Variants in PCDHA12 observed in about 807,000 individuals in gnomAD.
PCDHA12 encodes the protein protocadherin alpha 12, also known as protocadherin alpha-12.
Under a neutral mutation model 60.0 loss-of-function variants are expected in PCDHA12, and 44 were observed. The observed-to-expected ratio is 0.73, with a 90% confidence interval of 0.58 to 0.94. The LOEUF (loss-of-function observed/expected upper bound fraction) is 0.94, where lower values mean the gene tolerates loss of function less well. Among genes scored for constraint, PCDHA12 ranks in the 40% least tolerant of loss-of-function variants. The pLI is 0.00. For missense variants in PCDHA12, 1,276 were observed against 1,239.7 expected (o/e 1.03, Z -0.44); for synonymous variants, 569 against 553.0 (o/e 1.03, Z -0.40).
intron 1 of PCDHA12, among the ~76,000 whole-genome samples, chr5:140,973,346 T>C (rs1554235179): frequency 1.3e-5 from 2 of 152,198 alleles, no homozygotes; most frequent in Non-Finnish European, 2.9e-5. Flanking sequence ...AGTGACATAG[T>C]AGTGAATTTA....
chr5:140,940,635 TC>T (rs2092658903), intron 1 of PCDHA12, among the ~76,000 whole-genome samples: 1 of 152,214 alleles, frequency 6.6e-6, no homozygotes, highest in African/African-American at 2.4e-5. Context: ...CTTAAGCTTG[TC>T]ATTTATTTAT....
At chr5:140,966,798 C>T in intron 1 of PCDHA12, 1 of 1,537,636 alleles carries the variant, frequency 6.5e-7, no homozygotes, top group Non-Finnish European at 8.7e-7. Context: ...CCTGCGGCGA[C>T]AGAGCATCCA....
intron 1 of PCDHA12, chr5:140,929,152 T>TA (rs1322546333): frequency 2.5e-6 from 4 of 1,614,072 alleles, no homozygotes; most frequent in Non-Finnish European, 3.4e-6. Flanking sequence ...TTCTCAGACT[T>TA]ATCTCTATCG....
intron 1 of PCDHA12, among the ~76,000 whole-genome samples, chr5:140,933,853 A>G (rs192647657): frequency 6.6e-6 from 1 of 151,684 alleles, no homozygotes; most frequent in Non-Finnish European, 1.5e-5. Flanking sequence ...TGTACCTTTA[A>G]TTTTTTCAGA....
chr5:140,902,024 C>T (rs1554190174), intron 1 of PCDHA12, among the ~76,000 whole-genome samples: 5 of 152,016 alleles, frequency 3.3e-5, no homozygotes, highest in Non-Finnish European at 1.5e-5. Flanking sequence ...TATAGAAATA[C>T]TACTAATTTT....
chr5:140,882,319 G>T, intron 1 of PCDHA12: 3 of 1,614,136 alleles, frequency 1.9e-6, no homozygotes, highest in Non-Finnish European at 2.5e-6. Flanking sequence ...TACTGCTCTG[G>T]CTTCTGATCC....
chr5:140,941,202 C>CTTTCTCTCTTT (rs1554213921), intron 1 of PCDHA12, among the ~76,000 whole-genome samples: 1 of 122,742 alleles, frequency 8.1e-6, no homozygotes, highest in African/African-American at 3.0e-5. Flanking sequence ...TTTCTTTCTT[C>CTTTCTCTCTTT]CTTTCTTTCT....
chr5:140,889,409 A>C (rs1448554315), intron 1 of PCDHA12, among the ~76,000 whole-genome samples: 5 of 152,024 alleles, frequency 3.3e-5, no homozygotes, highest in African/African-American at 1.2e-4. Context: ...TACTCGAGTC[A>C]GTTACGTAGA....
intron 1 of PCDHA12, among the ~76,000 whole-genome samples, chr5:140,923,225 AGCCCAGAAG>A (rs2081250184): frequency 4.2e-5 from 3 of 71,942 alleles, no homozygotes; most frequent in Admixed American, 3.0e-4. Flanking sequence ...GGATCGTTTG[AGCCCAGAAG>A]TTTGAGACCA....
At chr5:140,984,964 G>A (rs930753325) in intron 3 of PCDHA12, among the ~76,000 whole-genome samples, 1 of 151,936 alleles carries the variant, frequency 6.6e-6, no homozygotes. Context: ...TTGAGACAGA[G>A]TCTCGCTCTG....
chr5:140,995,893 A>G (rs1038677586), intron 3 of PCDHA12, among the ~76,000 whole-genome samples: 3 of 152,182 alleles, frequency 2.0e-5, no homozygotes, highest in Non-Finnish European at 4.4e-5. Flanking sequence ...AGATTTATCA[A>G]TGTATAAAAG....
At chr5:140,899,983 T>C (rs1313036603) in intron 1 of PCDHA12, among the ~76,000 whole-genome samples, 5 of 151,754 alleles carry the variant, frequency 3.3e-5, no homozygotes, top group Non-Finnish European at 7.4e-5. Flanking sequence ...ACTTTTTTGA[T>C]TTTTTTTGTA....
At chr5:141,005,687 G>A (rs1454342103) in intron 3 of PCDHA12, among the ~76,000 whole-genome samples, 3 of 116,164 alleles carry the variant, frequency 2.6e-5, no homozygotes, top group African/African-American at 7.0e-5. Context: ...GGGCGACAGA[G>A]CGAAACTCCG....
At chr5:140,928,240 C>G (rs1174659124) in intron 1 of PCDHA12, 1 of 1,614,108 alleles carries the variant, frequency 6.2e-7, no homozygotes, top group Non-Finnish European at 8.5e-7. Flanking sequence ...TCAACCCCAG[C>G]AGGAACTTTT....
intron 1 of PCDHA12, among the ~76,000 whole-genome samples, chr5:140,977,512 G>GAAACTTGA: frequency 3.9e-5 from 6 of 152,278 alleles, no homozygotes; most frequent in Admixed American, 3.9e-4. Context: ...AGCATTTTGT[G>GAAACTTGA]AACTTGAAAA....
chr5:140,934,515 C>A (rs1163045974), intron 1 of PCDHA12, among the ~76,000 whole-genome samples: 1 of 152,214 alleles, frequency 6.6e-6, no homozygotes, highest in Admixed American at 6.5e-5. Context: ...GGTCCATAGA[C>A]CACACTTCGA....
chr5:140,946,298 G>A (rs1670826449), intron 1 of PCDHA12, among the ~76,000 whole-genome samples: 1 of 151,840 alleles, frequency 6.6e-6, no homozygotes, highest in Admixed American at 6.6e-5. Flanking sequence ...CCTCACACCT[G>A]GTAGAATGGC....
chr5:140,928,033 A>G, intron 1 of PCDHA12: 1 of 1,614,198 alleles, frequency 6.2e-7, no homozygotes, highest in Non-Finnish European at 8.5e-7. Context: ...TGGCATGTCT[A>G]GTGCAGGCCC....
At chr5:141,003,676 C>T (rs2098133802) in intron 3 of PCDHA12, among the ~76,000 whole-genome samples, 2 of 152,124 alleles carry the variant, frequency 1.3e-5, no homozygotes, top group East Asian at 1.9e-4. Context: ...ATATGTTGTT[C>T]TGATTTTAAA....
Sources: gnomAD v4.1 joint callset for allele counts (sites outside exome capture counted in the v4.1 genomes callset) on GRCh38, gnomAD v4.1.1 for gene constraint, MANE v1.5 for transcripts, NCBI Gene and HGNC (gene_info 2026-07-23, HGNC 2026-07-21) for gene names.